RAD51B: variants seen among roughly 807,000 people sequenced by gnomAD.
The protein encoded by RAD51B is DNA repair protein RAD51 homolog 2.
Under a neutral mutation model 42.2 loss-of-function variants are expected in RAD51B, and 38 were observed. That is an observed-to-expected ratio of 0.90 (90% CI 0.70 to 1.18). The LOEUF is 1.18. RAD51B is among the 50% of genes most tolerant of loss of function. The pLI, the probability that RAD51B is intolerant of heterozygous loss-of-function variation, is 0.00. For synonymous variants in RAD51B, 154 were observed against 145.2 expected (o/e 1.06, Z -0.43); for missense variants, 373 against 400.7 (o/e 0.93, Z 0.59).
intron 8 of RAD51B, among the ~76,000 whole-genome samples, chr14:68,365,099 T>C (rs776920334): frequency 1.2e-4 from 18 of 152,168 alleles, no homozygotes; most frequent in Admixed American, 5.2e-4. Flanking sequence ...CACAGGGCAC[T>C]GGGTGGCTAG....
At chr14:68,671,151 A>C (rs2140154569) in intron 11 of RAD51B, among the ~76,000 whole-genome samples, 1 of 152,338 alleles carries the variant, frequency 6.6e-6, no homozygotes, top group South Asian at 2.1e-4. Flanking sequence ...AGGGGCACCC[A>C]TGATAACTGG....
intron 7 of RAD51B, among the ~76,000 whole-genome samples, chr14:68,182,063 G>A (rs188626417): frequency 9.8e-5 from 15 of 152,314 alleles, no homozygotes; most frequent in Admixed American, 9.1e-4. Flanking sequence ...AATACAGTGG[G>A]TTAGGTGAAG....
intron 8 of RAD51B, among the ~76,000 whole-genome samples, chr14:68,316,614 G>C (rs926455059): frequency 6.6e-6 from 1 of 152,116 alleles, no homozygotes; most frequent in South Asian, 2.1e-4. Context: ...TTTCCTTCTC[G>C]GCTGTGAGAC....
Position 68,415,031 on chromosome 14 carries a change from C to CCAAAAAA in RAD51B, c.957+3504_957+3505insCAAAAAA, listed in dbSNP as rs2084520620. Among the ~76,000 whole-genome samples the CCAAAAAA allele has an allele frequency of 6.2e-5, 2 of 32,502 alleles. 1 individual carries two copies. Among genetic ancestry groups the CCAAAAAA allele is most frequent in the African/African-American group, 2.2e-4 (2 of 9,222 alleles). 21.3% of individuals were successfully genotyped at this position (32,502 alleles called of 152,430 possible). A position where few individuals can be genotyped will look rare whatever the true frequency, so the allele number is the denominator to read the frequency against. On this transcript the variant is annotated intron_variant, in intron 9 of 10. Coordinates refer to ENST00000471583, the MANE Select transcript of RAD51B (RefSeq NM_133510.4). ...TGGGTGACAGAGCAAGACTCTGTCT[C>CCAAAAAA]AAAAAAAAAAAAAAAAAAAAAAAAA...
chr14:68,456,728 A>G (rs1239782943), intron 9 of RAD51B, among the ~76,000 whole-genome samples: 1 of 152,196 alleles, frequency 6.6e-6, no homozygotes, highest in Non-Finnish European at 1.5e-5. Context: ...CTCTATGCCA[A>G]CTAGACCTCA....
chr14:68,441,520 C>A (rs989392297), intron 9 of RAD51B, among the ~76,000 whole-genome samples: 3 of 103,096 alleles, frequency 2.9e-5, no homozygotes, highest in African/African-American at 3.7e-5. Flanking sequence ...CCAGCCTGGG[C>A]GACAGAGCAA....
At chr14:68,255,027 A>G (rs981180250) in intron 7 of RAD51B, among the ~76,000 whole-genome samples, 15 of 151,824 alleles carry the variant, frequency 9.9e-5, no homozygotes, top group Non-Finnish European at 1.6e-4. Flanking sequence ...TTTGCCTTTC[A>G]TCCTCCCCTT....
chr14:67,918,850 A>G (rs932948478), intron 7 of RAD51B, among the ~76,000 whole-genome samples: 2 of 152,232 alleles, frequency 1.3e-5, no homozygotes, highest in Non-Finnish European at 1.5e-5. Flanking sequence ...GGATAGCCTA[A>G]AGATATTTTT....
At chr14:68,056,745 C>T (rs960142583) in intron 7 of RAD51B, among the ~76,000 whole-genome samples, 1 of 151,168 alleles carries the variant, frequency 6.6e-6, no homozygotes, top group African/African-American at 2.4e-5. Context: ...AAGACTCCGT[C>T]TCAAAAATAA....
At chr14:68,632,956 CTTTTTCTTTTTCTTTT>C (rs1331042503) in intron 10 of RAD51B, among the ~76,000 whole-genome samples, 3 of 99,320 alleles carry the variant, frequency 3.0e-5, no homozygotes, top group African/African-American at 1.1e-4. Context: ...TTTCTTTTTT[CTTTTTCTTTTTCTTTT>C]TTTTTTTTTT....
At chr14:68,523,021 C>T (rs1471650438) in intron 10 of RAD51B, among the ~76,000 whole-genome samples, 1 of 152,184 alleles carries the variant, frequency 6.6e-6, no homozygotes, top group Non-Finnish European at 1.5e-5. Flanking sequence ...CATTAGAATG[C>T]TTCCCCTTCA....
chr14:68,646,898 G>T (rs1892574293), intron 10 of RAD51B, among the ~76,000 whole-genome samples: 1 of 152,106 alleles, frequency 6.6e-6, no homozygotes, highest in Non-Finnish European at 1.5e-5. Flanking sequence ...CCTTAAAAGT[G>T]AGCTTCTCTG....
At chr14:68,261,614 A>T (rs1338463904) in intron 7 of RAD51B, among the ~76,000 whole-genome samples, 1 of 152,204 alleles carries the variant, frequency 6.6e-6, no homozygotes, top group African/African-American at 2.4e-5. Context: ...CTACAAAACC[A>T]TATATTTTGT....
intron 8 of RAD51B, chr14:68,338,586 C>T (rs1238315502): frequency 1.5e-5 from 4 of 271,108 alleles, no homozygotes; most frequent in Non-Finnish European, 2.9e-5. Flanking sequence ...TGCCAAGGGC[C>T]CACCCATGTG....
intron 10 of RAD51B, among the ~76,000 whole-genome samples, chr14:68,551,785 TC>T (rs1172116458): frequency 6.6e-6 from 1 of 152,204 alleles, no homozygotes; most frequent in Non-Finnish European, 1.5e-5. Flanking sequence ...CTGGGGTCTC[TC>T]CCCAGATGCA....
intron 8 of RAD51B, among the ~76,000 whole-genome samples, chr14:68,374,816 A>G (rs961979735): frequency 6.6e-6 from 1 of 150,594 alleles, no homozygotes; most frequent in African/African-American, 2.5e-5. Flanking sequence ...GCTTCTCATT[A>G]GCTGAAACCG....
At chr14:68,149,973 T>G (rs1457552755) in intron 7 of RAD51B, 1 of 152,210 alleles carries the variant, frequency 6.6e-6, no homozygotes, top group African/African-American at 2.4e-5. Flanking sequence ...AGACAGAGTT[T>G]CACTCTTGTT....
At chr14:68,586,636 C>A (rs544155471) in intron 10 of RAD51B, among the ~76,000 whole-genome samples, 5 of 152,292 alleles carry the variant, frequency 3.3e-5, no homozygotes. Context: ...GCACAGAACA[C>A]ATTAATTCGG....
intron 7 of RAD51B, among the ~76,000 whole-genome samples, chr14:68,194,241 A>G (rs888675240): frequency 2.0e-5 from 3 of 152,244 alleles, no homozygotes; most frequent in African/African-American, 7.2e-5. Flanking sequence ...CTTGCATGCA[A>G]GACCAGTACA....
Sources: allele counts gnomAD v4.1 joint callset (sites outside exome capture counted in the v4.1 genomes callset), GRCh38; gene constraint gnomAD v4.1.1; transcripts MANE v1.5; gene names NCBI Gene and HGNC (gene_info 2026-07-23, HGNC 2026-07-21).